Variants in VSIG1 observed in about 807,000 individuals in gnomAD.
VSIG1 encodes the protein V-set and immunoglobulin domain containing 1.
VSIG1 carries 11 observed loss-of-function variants against 20.1 expected under a neutral mutation model. That is an observed-to-expected ratio of 0.55 (90% CI 0.34 to 0.91). VSIG1 has a LOEUF of 0.91. VSIG1 is among the 40% of genes least tolerant of loss of function. VSIG1 has a pLI of 0.02. For synonymous variants in VSIG1, 126 were observed against 116.7 expected (o/e 1.08, Z -0.52); for missense variants, 283 against 298.8 (o/e 0.95, Z 0.39).
intron 1 of VSIG1, among the ~76,000 whole-genome samples, chrX:108,052,462 C>CAA (rs2030805070): frequency 9.1e-6 from 1 of 109,419 alleles, no homozygotes; most frequent in African/African-American, 3.3e-5. Flanking sequence ...CACACACACA[C>CAA]AAAATTAGCT....
the VSIG1 span, among the ~76,000 whole-genome samples, chrX:108,024,862 C>T: frequency 9.0e-6 from 1 of 111,423 alleles, no homozygotes; most frequent in East Asian, 2.8e-4. Flanking sequence ...TGTTTTGTGG[C>T]TTACTATGTG....
At chrX:108,046,689 A>T (rs918953759) in intron 1 of VSIG1, among the ~76,000 whole-genome samples, 1 of 111,661 alleles carries the variant, frequency 9.0e-6, no homozygotes, top group Non-Finnish European at 1.9e-5. Context: ...TTTACCACTC[A>T]GATTTGGGTG....
chrX:108,044,238 G>T (rs2030524765), upstream of VSIG1, among the ~76,000 whole-genome samples: 1 of 111,391 alleles, frequency 9.0e-6, no homozygotes, highest in African/African-American at 3.3e-5. Flanking sequence ...AAGTCCTTAG[G>T]TTTCTCCGGG....
intron 2 of VSIG1, among the ~76,000 whole-genome samples, chrX:108,065,779 A>G (rs945378140): frequency 2.7e-5 from 3 of 112,578 alleles, no homozygotes; most frequent in African/African-American, 9.7e-5. Context: ...TCTAATACAC[A>G]TTGAAATTTG....
rs764824033 is a variant in VSIG1, at chrX:108,077,199, C to G, written c.982C>G (p.Pro328Ala). Reference sequence around the variant, plus strand: ...CTATGAGCCAAAGCCTACTCAGGAGCCTGCCCCAGAGCCTGCCCCAGGATC... The same window carrying G: ...CTATGAGCCAAAGCCTACTCAGGAGGCTGCCCCAGAGCCTGCCCCAGGATC... ...PDYEPKPTQE[P>A]APEPAPGSEP... is the part of the protein sequence containing the mutation. The change falls in exon 7 of 7, where the codon CCT becomes GCT. Residue 328 changes from proline to alanine, a missense_variant. Pro to Ala is a conservative substitution (Grantham distance 27, BLOSUM62 -1). Coordinates refer to ENST00000217957, the MANE Select transcript of VSIG1 (RefSeq NM_182607.5). 1.7e-6 allele frequency: 2 copies of G among 1,210,321 alleles called. No homozygotes were observed. Among genetic ancestry groups the G allele is most frequent in the African/African-American group, 1.7e-5 (1 of 57,227 alleles).
chrX:108,038,632 G>A, the VSIG1 span, among the ~76,000 whole-genome samples: 75 of 112,371 alleles, frequency 6.7e-4, no homozygotes, highest in African/African-American at 2.4e-3. Flanking sequence ...GTGATAGGCT[G>A]GATAAAGAAA....
upstream of VSIG1, among the ~76,000 whole-genome samples, chrX:108,043,648 C>T (rs1367174333): frequency 9.0e-6 from 1 of 111,595 alleles, no homozygotes; most frequent in African/African-American, 3.3e-5. Context: ...ATGGAAATCA[C>T]CTGGAGCCAA....
the VSIG1 span, among the ~76,000 whole-genome samples, chrX:108,037,363 G>A: frequency 1.8e-5 from 2 of 111,821 alleles, no homozygotes; most frequent in Non-Finnish European, 3.8e-5. Context: ...CATCTACCCT[G>A]TTTCTGTTTC....
chrX:108,077,319 T>A lies in VSIG1; in HGVS notation c.1102T>A (p.Ser368Thr), dbSNP rs771887652. ...LEPEPEPEPE[S>T]EPGVVVEPLS... ...GCCAGAGCCAGAGCCAGAGCCAGAG[T>A]CAGAGCCTGGGGTTGTAGTTGAGCC... Residue 368 changes from serine (S) to threonine (T), a missense_variant, in exon 7 of 7, where the codon TCA becomes ACA. Coordinates refer to ENST00000217957, the MANE Select transcript of VSIG1 (RefSeq NM_182607.5). 4 of 1,209,529 alleles carry A rather than the reference T, an allele frequency of 3.3e-6. No individual in the cohort carries two copies. The South Asian group carries it at 7.0e-5, about 21-fold the overall frequency.
intron 1 of VSIG1, among the ~76,000 whole-genome samples, chrX:108,047,114 T>C (rs1046757969): frequency 3.6e-5 from 4 of 111,799 alleles, no homozygotes; most frequent in African/African-American, 1.3e-4. Context: ...AATTTGATGT[T>C]CTTCCTGGAC....
At chrX:108,072,549 G>C (rs1250514617) in intron 3 of VSIG1, 128 bp from the exon 4 acceptor site, 1 of 730,354 alleles carries the variant, frequency 1.4e-6, no homozygotes, top group Non-Finnish European at 2.0e-6. Flanking sequence ...CACTGCGCCT[G>C]GCCAAGAATT....
At chrX:108,041,696 T>G (rs988803119), upstream of VSIG1, among the ~76,000 whole-genome samples, 2 of 107,294 alleles carry the variant, frequency 1.9e-5, no homozygotes, top group Admixed American at 2.0e-4. Flanking sequence ...GGACTTTTTT[T>G]CCTCTGTATC....
At chrX:108,052,492 T>A (rs2093681822) in intron 1 of VSIG1, among the ~76,000 whole-genome samples, 1 of 110,549 alleles carries the variant, frequency 9.0e-6, no homozygotes, top group Non-Finnish European at 1.9e-5. Context: ...GGCATGTGCC[T>A]GTGGTCCTAG....
At position 108,057,636 on chromosome X, in the gene VSIG1, T is replaced by C. The variant is rs370042645; in HGVS notation, c.50-402T>C. On this transcript the variant is annotated intron_variant, in intron 1 of 6. Coordinates refer to ENST00000217957, the MANE Select transcript of VSIG1 (RefSeq NM_182607.5). ...AAACTGATATGTTTTGCCTGAGATT[T>C]ACCTGATTTTAAAACTATAAGTCCC... Among the ~76,000 whole-genome samples the C allele has an allele frequency of 2.1e-3, 232 of 111,715 alleles. 6 individuals carry two copies. The South Asian group carries it at 0.078, about 38-fold the overall frequency.
chrX:108,019,301 G>T, the VSIG1 span, among the ~76,000 whole-genome samples: 3 of 112,338 alleles, frequency 2.7e-5, no homozygotes, highest in Admixed American at 2.8e-4. Context: ...GAACTGGGCT[G>T]TGTGACCTGC....
At position 108,047,957 on chromosome X, in the gene VSIG1, CACACATAT is replaced by C. The variant is rs1265294882; in HGVS notation, c.49+2780_49+2787del. Among the ~76,000 whole-genome samples, 96 of 25,869 alleles carry C rather than the reference CACACATAT, an allele frequency of 3.7e-3. 2 individuals are homozygous for C. Among genetic ancestry groups the C allele is most frequent in the African/African-American group, 0.013 (49 of 3,671 alleles). 22.5% of individuals were successfully genotyped at this position (25,869 alleles called of 115,157 possible). ...ATACACATATATATATATATATACA[CACACATAT>C]ATATATATATATATATATATATATA... is the stretch of plus-strand genomic sequence containing the variant. On this transcript the variant is annotated intron_variant, in intron 1 of 6. Coordinates refer to ENST00000217957, the MANE Select transcript of VSIG1 (RefSeq NM_182607.5).
chrX:108,025,899 C>A, the VSIG1 span, among the ~76,000 whole-genome samples: 1 of 111,916 alleles, frequency 8.9e-6, no homozygotes, highest in Non-Finnish European at 1.9e-5. Context: ...CAAATCCTTG[C>A]GATAAAGGAA....
the VSIG1 span, among the ~76,000 whole-genome samples, chrX:108,026,265 GT>G: frequency 9.0e-6 from 1 of 111,557 alleles, no homozygotes; most frequent in Non-Finnish European, 1.9e-5. Context: ...TTTGCTCAAA[GT>G]TTCATGGAAG....
the VSIG1 span, among the ~76,000 whole-genome samples, chrX:108,034,766 A>G: frequency 8.9e-6 from 1 of 112,004 alleles, no homozygotes; most frequent in Non-Finnish European, 1.9e-5. Context: ...AGCACAAAGA[A>G]ATTAAATAAT....
Sources: gnomAD v4.1 joint callset for allele counts (sites outside exome capture counted in the v4.1 genomes callset) on GRCh38, gnomAD v4.1.1 for gene constraint, MANE v1.5 for transcripts, NCBI Gene and HGNC (gene_info 2026-07-23, HGNC 2026-07-21) for gene names.